Variants in VPS13A observed in about 807,000 individuals in gnomAD.
VPS13A encodes vacuolar protein sorting 13 homolog A, also known as intermembrane lipid transfer protein VPS13A.
A neutral mutation model predicts 390.9 loss-of-function variants in VPS13A; 264 were observed. That is an observed-to-expected ratio of 0.68 (90% confidence interval 0.61 to 0.75). VPS13A has a LOEUF of 0.75. Ranked by LOEUF, VPS13A falls within the 30% of genes least tolerant of loss-of-function variation. The pLI, the probability that VPS13A is intolerant of heterozygous loss-of-function variation, is 0.00. For missense variants in VPS13A, 3,409 were observed against 3,733.9 expected (o/e 0.91, Z 2.27); for synonymous variants, 1,231 against 1,227.1 (o/e 1.00, Z -0.07).
intron 12 of VPS13A, 38 bp from the exon 13 acceptor site, chr9:77,221,147 G>T: frequency 1.3e-6 from 2 of 1,594,660 alleles, no homozygotes; most frequent in South Asian, 2.2e-5. Flanking sequence ...TCATACTGTT[G>T]ATTTGAGGGT....
chr9:77,227,166 A>T (rs1015129010), intron 15 of VPS13A, among the ~76,000 whole-genome samples: 1 of 152,206 alleles, frequency 6.6e-6, no homozygotes, highest in African/African-American at 2.4e-5. Flanking sequence ...GCTCTTGCTT[A>T]ATACAAATAT....
intron 31 of VPS13A, among the ~76,000 whole-genome samples, chr9:77,285,346 G>A (rs1827267223): frequency 6.6e-6 from 1 of 152,182 alleles, no homozygotes; most frequent in Non-Finnish European, 1.5e-5. Context: ...CAGACCATTT[G>A]TTTGACTCTG....
chr9:77,404,640 C>G (rs1295790138), intron 69 of VPS13A, among the ~76,000 whole-genome samples: 1 of 152,176 alleles, frequency 6.6e-6, no homozygotes, highest in Non-Finnish European at 1.5e-5. Flanking sequence ...TCTTTTTTCT[C>G]AACACAGTGG....
intron 24 of VPS13A, among the ~76,000 whole-genome samples, chr9:77,274,090 A>G (rs1477380142): frequency 6.6e-6 from 1 of 152,206 alleles, no homozygotes; most frequent in Non-Finnish European, 1.5e-5. Context: ...AATTCCTTAA[A>G]GTTGCTTTTG....
intron 1 of VPS13A, among the ~76,000 whole-genome samples, chr9:77,193,532 G>C (rs972266295): frequency 6.6e-6 from 1 of 152,170 alleles, no homozygotes; most frequent in East Asian, 1.9e-4. Context: ...TACCCAGGAA[G>C]CTGAGGCAGG....
At chr9:77,323,295 A>G (rs1487516097) in intron 45 of VPS13A, 68 bp downstream of exon 45, 4 of 1,544,640 alleles carry the variant, frequency 2.6e-6, no homozygotes, top group Admixed American at 3.3e-5. Context: ...ATTAAAAACA[A>G]CAACAACAAA....
At chr9:77,251,058 G>A (rs554964375) in intron 21 of VPS13A, among the ~76,000 whole-genome samples, 69 of 152,308 alleles carry the variant, frequency 4.5e-4, no homozygotes, top group Non-Finnish European at 8.5e-4. Context: ...ATCCAAAGTA[G>A]TTGTTATCAA....
At chr9:77,315,050 C>A (rs1001829791) in intron 37 of VPS13A, among the ~76,000 whole-genome samples, 1 of 152,126 alleles carries the variant, frequency 6.6e-6, no homozygotes, top group Non-Finnish European at 1.5e-5. Flanking sequence ...ATTGAACATA[C>A]ACTTCCTCAT....
At chr9:77,386,124 A>T (rs1294030331) in intron 68 of VPS13A, among the ~76,000 whole-genome samples, 1 of 152,204 alleles carries the variant, frequency 6.6e-6, no homozygotes, top group Non-Finnish European at 1.5e-5. Context: ...TTTTTAGAAT[A>T]AGTACATACA....
chr9:77,261,063 AT>A (rs1005175793), intron 23 of VPS13A, among the ~76,000 whole-genome samples: 3 of 150,358 alleles, frequency 2.0e-5, no homozygotes, highest in Non-Finnish European at 4.4e-5. Context: ...ACGCCAGCTA[AT>A]TTTTTTTTGC....
intron 22 of VPS13A, among the ~76,000 whole-genome samples, chr9:77,256,067 C>T (rs1340046179): frequency 1.3e-5 from 2 of 151,256 alleles, no homozygotes; most frequent in Non-Finnish European, 2.9e-5. Context: ...TTTCTAGTTC[C>T]TTAAGGTGTA....
intron 22 of VPS13A, among the ~76,000 whole-genome samples, chr9:77,259,454 A>G (rs1825635689): frequency 6.6e-6 from 1 of 152,234 alleles, no homozygotes; most frequent in Non-Finnish European, 1.5e-5. Flanking sequence ...TAGAAAGATA[A>G]CGTAAGTAAT....
intron 46 of VPS13A, among the ~76,000 whole-genome samples, chr9:77,334,414 T>A (rs1830436031): frequency 6.6e-6 from 1 of 152,218 alleles, no homozygotes; most frequent in Non-Finnish European, 1.5e-5. Flanking sequence ...ATTGATTATC[T>A]TTCTTTCCTG....
chr9:77,245,269 G>T (rs1824740275), intron 19 of VPS13A, among the ~76,000 whole-genome samples: 1 of 152,146 alleles, frequency 6.6e-6, no homozygotes, highest in South Asian at 2.1e-4. Context: ...CTTCCAGGGA[G>T]TACCAGAACT....
intron 15 of VPS13A, 60 bp downstream of exon 15, chr9:77,226,658 A>G: frequency 6.4e-7 from 1 of 1,572,250 alleles, no homozygotes; most frequent in African/African-American, 1.3e-5. Context: ...AAGTTTTGCC[A>G]TTTTTTGCCT....
At chr9:77,329,071 C>A (rs1014172870) in intron 45 of VPS13A, among the ~76,000 whole-genome samples, 3 of 152,140 alleles carry the variant, frequency 2.0e-5, no homozygotes, top group Non-Finnish European at 4.4e-5. Context: ...GAACAGCATG[C>A]AGGAAACTGT....
chr9:77,400,705 G>A (rs897461678), intron 68 of VPS13A, among the ~76,000 whole-genome samples: 4 of 151,546 alleles, frequency 2.6e-5, no homozygotes, highest in Non-Finnish European at 5.9e-5. Context: ...ATGGGTGCCT[G>A]TAGTCCCAGC....
In VPS13A at chr9:77,259,861, A is replaced by G. The variant is rs142953537; in HGVS notation, c.2289-225A>G. Among the ~76,000 whole-genome samples the G allele has an allele frequency of 1.5e-3, 230 of 152,322 alleles. 1 individual carries two copies. Among genetic ancestry groups the G allele is most frequent in the African/African-American group, 5.3e-3 (221 of 41,552 alleles). ...AGTAATTGTCAATTGTATATAGCAA[A>G]CAGTAGAAGGACATTACATGAAATA... On this transcript the variant is annotated intron_variant, in intron 22 of 71. Coordinates refer to ENST00000360280, the MANE Select transcript of VPS13A (RefSeq NM_033305.3).
At chr9:77,387,137 C>CAAA (rs11415950) in intron 68 of VPS13A, among the ~76,000 whole-genome samples, 1 of 147,000 alleles carries the variant, frequency 6.8e-6, no homozygotes, top group Non-Finnish European at 1.5e-5. Context: ...CTAGTAAAAG[C>CAAA]AAAAAAAAAA....
Sources: gnomAD v4.1 joint callset for allele counts (sites outside exome capture counted in the v4.1 genomes callset) on GRCh38, gnomAD v4.1.1 for gene constraint, MANE v1.5 for transcripts, NCBI Gene and HGNC (gene_info 2026-07-23, HGNC 2026-07-21) for gene names.